The following CACNA2D4 variants were observed in gnomAD, a reference collection of about 807,000 sequenced individuals.
CACNA2D4 encodes voltage-dependent calcium channel subunit alpha-2/delta-4.
CACNA2D4 carries 157 observed loss-of-function variants against 163.8 expected under a neutral mutation model. The observed-to-expected ratio is 0.96, with a 90% CI of 0.84 to 1.09. The LOEUF is 1.09. Ranked by LOEUF, CACNA2D4 falls within the 50% of genes least tolerant of loss-of-function variation. The pLI is 0.00. For missense variants in CACNA2D4, 1,410 were observed against 1,479.9 expected (o/e 0.95, Z 0.78); for synonymous variants, 598 against 586.9 (o/e 1.02, Z -0.27).
At chr12:1,815,836 A>G (rs1863855849) in intron 26 of CACNA2D4, among the ~76,000 whole-genome samples, 1 of 152,112 alleles carries the variant, frequency 6.6e-6, no homozygotes. Context: ...AAGACTTCGG[A>G]GGCAATCCAC....
chr12:1,844,337 G>A lies in CACNA2D4; in HGVS notation c.2470+65C>T. ...GTTCCCATTTCCCACTAAGAGCACA[G>A]CAGGAGGAGAGATGAGACTGGCCTG... is the stretch of plus-strand genomic sequence containing the variant. On this transcript the variant is annotated intron_variant, in intron 25 of 37. Coordinates refer to ENST00000382722, the MANE Select transcript of CACNA2D4 (RefSeq NM_172364.5). The surrounding 1 kb of genome is among the most constrained non-coding windows in gnomAD (Gnocchi z 4.2). The A allele has an allele frequency of 6.3e-7, 1 of 1,575,962 alleles. No individual in the cohort carries two copies. Among genetic ancestry groups the A allele is most frequent in the South Asian group, 1.1e-5 (1 of 87,384 alleles).
At chr12:1,804,172 G>A (rs951583582) in intron 29 of CACNA2D4, among the ~76,000 whole-genome samples, 10 of 136,410 alleles carry the variant, frequency 7.3e-5, no homozygotes, top group African/African-American at 1.7e-4. Context: ...TGTCCCCTCC[G>A]TCACCCCCTC....
chr12:1,868,458 G>T (rs1865701159), intron 18 of CACNA2D4, among the ~76,000 whole-genome samples: 1 of 151,624 alleles, frequency 6.6e-6, no homozygotes, highest in African/African-American at 2.4e-5. Context: ...GCAGGGGAAG[G>T]CACGGTGGGA....
chr12:1,793,532 T>G lies in CACNA2D4; in HGVS notation c.*123A>C. 6.3e-6 allele frequency: 5 copies of G among 799,292 alleles called. No individual in the cohort carries two copies. Among genetic ancestry groups the G allele is most frequent in the African/African-American group, 1.7e-5 (1 of 58,996 alleles). 49.5% of individuals were successfully genotyped at this position (799,292 alleles called of 1,614,324 possible). On this transcript the variant is annotated 3_prime_UTR_variant, in exon 38 of 38. Transcript: ENST00000382722. ...GGAGCCAGGGGCCACCAGCCCAGGATTGAGAGGAGCGTTGGCCTGGGGGCG... is the reference window on the plus strand; with the variant it reads ...GGAGCCAGGGGCCACCAGCCCAGGAGTGAGAGGAGCGTTGGCCTGGGGGCG...
intron 6 of CACNA2D4, among the ~76,000 whole-genome samples, chr12:1,889,580 G>A (rs538929617): frequency 1.1e-3 from 163 of 151,440 alleles, no homozygotes; most frequent in Non-Finnish European, 2.0e-3. Flanking sequence ...TGCCTCAGCC[G>A]CCCCCCCCAG....
chr12:1,918,053 C>T, intron 1 of CACNA2D4, 194 bp downstream of exon 1: 2 of 570,820 alleles, frequency 3.5e-6, no homozygotes, highest in Non-Finnish European at 3.1e-6. Context: ...ACTCACAGAG[C>T]TTTTGGGAGG....
In CACNA2D4 at chr12:1,868,594, G is replaced by A. The variant is rs140185606; in HGVS notation, c.1878+6010C>T. ...TTGTATTGTATTGTATTGTACACTGGAAACTGGCCAAGAGCACAGAGTTTA... is the reference window on the plus strand; with the variant it reads ...TTGTATTGTATTGTATTGTACACTGAAAACTGGCCAAGAGCACAGAGTTTA... On this transcript the variant is annotated intron_variant, in intron 18 of 37. Coordinates refer to ENST00000382722, the MANE Select transcript of CACNA2D4 (RefSeq NM_172364.5). 7.1e-4 allele frequency among the ~76,000 whole-genome samples: 108 copies of A among 151,902 alleles called. 1 individual carries two copies. In the East Asian group the frequency reaches 0.017, roughly 24 times the overall value.
chr12:1,852,462 G>T (rs896437073), intron 23 of CACNA2D4, among the ~76,000 whole-genome samples: 1 of 152,090 alleles, frequency 6.6e-6, no homozygotes, highest in African/African-American at 2.4e-5. Context: ...TTGAGGCCAG[G>T]AGTTCAAGAC....
intron 6 of CACNA2D4, among the ~76,000 whole-genome samples, chr12:1,899,139 C>T (rs963755875): frequency 2.0e-5 from 3 of 152,046 alleles, no homozygotes; most frequent in Non-Finnish European, 4.4e-5. Flanking sequence ...AAAAACCTCA[C>T]TACCAATCAA....
intron 16 of CACNA2D4, among the ~76,000 whole-genome samples, chr12:1,877,698 C>T (rs769091907): frequency 1.2e-4 from 19 of 152,200 alleles, no homozygotes; most frequent in Non-Finnish European, 2.2e-4. Flanking sequence ...CTACGATTCT[C>T]CTAGGACTTT....
intron 27 of CACNA2D4, 116 bp from the exon 28 acceptor site, chr12:1,810,703 GGTGT>G (rs969776747): frequency 2.1e-5 from 22 of 1,061,760 alleles, no homozygotes; most frequent in African/African-American, 3.1e-5. Context: ...GTGTGCATGG[GGTGT>G]GTATCTGCAC....
At position 1,820,957 on chromosome 12, in the gene CACNA2D4, G is replaced by C. The variant is rs778770223; in HGVS notation, c.2552-9234C>G. On this transcript the variant is annotated intron_variant, in intron 26 of 37. Transcript: ENST00000382722. This position sits in a 1 kb window ranked among gnomAD's most constrained non-coding sequence, Gnocchi z 6.0. Reference sequence around the variant, plus strand: ...CTACCTGCAGGCAATTGCTGGGGCCGAAGAAGCTGCTCGGGCTCAGGCACC... The same window carrying C: ...CTACCTGCAGGCAATTGCTGGGGCCCAAGAAGCTGCTCGGGCTCAGGCACC... 6.6e-6 allele frequency: 1 copy of C among 152,324 alleles called. No individual in the cohort carries two copies. The highest frequency in any genetic ancestry group is 1.5e-5 in the Non-Finnish European group (1 of 68,118). The allele number at this position is 152,324 out of a possible 1,614,324, so 9.4% of individuals were successfully genotyped here.
intron 29 of CACNA2D4, among the ~76,000 whole-genome samples, chr12:1,803,819 T>C (rs1204475770): frequency 6.6e-6 from 1 of 152,232 alleles, no homozygotes; most frequent in African/African-American, 2.4e-5. Context: ...CAGACTAGTT[T>C]GCATGGACAG....
intron 26 of CACNA2D4, among the ~76,000 whole-genome samples, chr12:1,814,355 A>C (rs1368661350): frequency 6.6e-6 from 1 of 152,184 alleles, no homozygotes; most frequent in Non-Finnish European, 1.5e-5. Context: ...GGCTCCTCCA[A>C]GCCAAGCTGT....
intron 6 of CACNA2D4, among the ~76,000 whole-genome samples, chr12:1,896,663 T>G (rs1592742052): frequency 7.1e-6 from 1 of 140,292 alleles, no homozygotes; most frequent in African/African-American, 2.8e-5. Flanking sequence ...ACAAAACAGA[T>G]GCTAGCAAGG....
In CACNA2D4 at chr12:1,829,104, C is replaced by T. The variant is rs757432036; in HGVS notation, c.2551+11635G>A. Among the ~76,000 whole-genome samples the T allele has an allele frequency of 6.6e-6, 1 of 152,214 alleles. No homozygotes were observed. The highest frequency in any genetic ancestry group is 2.1e-4 in the South Asian group (1 of 4,834). On this transcript the variant is annotated intron_variant, in intron 26 of 37. Transcript: ENST00000382722. This position sits in a 1 kb window ranked among gnomAD's most constrained non-coding sequence, Gnocchi z 4.2. Reference sequence around the variant, plus strand: ...CTCATTCTAGAATCACTCAACACCTCGCAATACGGGCTTATGTTTTCTTGT... The same window carrying T: ...CTCATTCTAGAATCACTCAACACCTTGCAATACGGGCTTATGTTTTCTTGT...
chr12:1,905,685 C>A (rs1866643757), intron 6 of CACNA2D4, among the ~76,000 whole-genome samples: 1 of 152,072 alleles, frequency 6.6e-6, no homozygotes, highest in African/African-American at 2.4e-5. Context: ...TGAAACACTG[C>A]TGAAAGAAAT....
In CACNA2D4 at chr12:1,797,453, C is replaced by G; in HGVS notation, c.3078G>C (p.Glu1026Asp). 6.3e-7 allele frequency: 1 copy of G among 1,577,646 alleles called. No homozygotes were observed. Among genetic ancestry groups the G allele is most frequent in the Non-Finnish European group, 8.6e-7 (1 of 1,165,626 alleles). ...PVFVYQPAIR[E>D]ANGIVECGPC... Reference sequence around the variant, plus strand: ...GCCCGCACTCCACGATCCCGTTGGCCTCCCGGATGGCCGGCTGGTACACGA... The same window carrying G: ...GCCCGCACTCCACGATCCCGTTGGCGTCCCGGATGGCCGGCTGGTACACGA... The change falls in exon 35 of 38, where the codon GAG (glutamate) becomes GAC (aspartate). Residue 1026 changes from glutamate to aspartate, a missense_variant. Glu to Asp is a conservative substitution (Grantham distance 45). Transcript: ENST00000382722.
intron 13 of CACNA2D4, among the ~76,000 whole-genome samples, chr12:1,880,515 T>C (rs1469818873): frequency 2.6e-5 from 4 of 152,240 alleles, no homozygotes. Flanking sequence ...GGGCTCGCCG[T>C]GCCGGCTCCT....
Sources: gnomAD v4.1 joint callset for allele counts (sites outside exome capture counted in the v4.1 genomes callset) on GRCh38, gnomAD v4.1.1 for gene constraint, Gnocchi (gnomAD v3.1) non-coding constraint, MANE v1.5 for transcripts, NCBI Gene and HGNC (gene_info 2026-07-23, HGNC 2026-07-21) for gene names.